Variants in ARHGAP44 observed in about 807,000 individuals in gnomAD.
ARHGAP44 encodes the protein rho GTPase-activating protein 44.
Under a neutral mutation model 106.8 loss-of-function variants are expected in ARHGAP44, and 43 were observed. The observed-to-expected ratio is 0.40, with a 90% CI of 0.32 to 0.52. ARHGAP44 has a LOEUF of 0.52. ARHGAP44 is among the 20% of genes least tolerant of loss of function. The pLI is 0.48. For synonymous variants in ARHGAP44, 439 were observed against 410.3 expected (o/e 1.07, Z -0.85); for missense variants, 866 against 1,050.5 (o/e 0.82, Z 2.43).
chr17:12,842,148 T>TAA (rs111785464), intron 1 of ARHGAP44, among the ~76,000 whole-genome samples: 46 of 142,432 alleles, frequency 3.2e-4, no homozygotes, highest in African/African-American at 7.9e-4. Flanking sequence ...CCACTGGGTT[T>TAA]AAAAAAAAAA....
At chr17:12,910,799 C>T (rs541391778) in intron 4 of ARHGAP44, among the ~76,000 whole-genome samples, 6 of 151,892 alleles carry the variant, frequency 4.0e-5, no homozygotes, top group East Asian at 1.9e-4. Flanking sequence ...AGGACTTTTA[C>T]GTTTCTGTGG....
intron 1 of ARHGAP44, among the ~76,000 whole-genome samples, chr17:12,824,818 G>A (rs2034872941): frequency 6.6e-6 from 1 of 151,374 alleles, no homozygotes; most frequent in Non-Finnish European, 1.5e-5. Flanking sequence ...TCTACCTTCT[G>A]CTTGTGTTGT....
chr17:12,966,367 T>C (rs56378659), intron 16 of ARHGAP44, among the ~76,000 whole-genome samples: 15,647 of 152,188 alleles, frequency 0.1, 926 homozygotes, highest in South Asian at 0.2. Context: ...CCCCTGGACT[T>C]AGACATTGTT....
At chr17:12,897,131 C>T (rs2037229502) in intron 3 of ARHGAP44, among the ~76,000 whole-genome samples, 1 of 152,184 alleles carries the variant, frequency 6.6e-6, no homozygotes, top group South Asian at 2.1e-4. Context: ...TGACCCCATC[C>T]CTCTCAGCCC....
chr17:12,827,337 G>A (rs1385877486), intron 1 of ARHGAP44, among the ~76,000 whole-genome samples: 1 of 151,984 alleles, frequency 6.6e-6, no homozygotes, highest in Non-Finnish European at 1.5e-5. Context: ...GCAGTCTAAT[G>A]CGTCTAATTG....
At position 12,958,964 on chromosome 17, in the gene ARHGAP44, C is replaced by G; in HGVS notation, c.1523+67C>G. ...AGGTGGTGGGGGTGGATGGGTGACGCATAAGAAAAATACAATTACGGGAAG... is the reference window on the plus strand; with the variant it reads ...AGGTGGTGGGGGTGGATGGGTGACGGATAAGAAAAATACAATTACGGGAAG... On this transcript the variant is annotated intron_variant, in intron 16 of 20. Coordinates refer to ENST00000379672, the MANE Select transcript of ARHGAP44 (RefSeq NM_014859.6). The surrounding 1 kb of genome is among the most constrained non-coding windows in gnomAD (Gnocchi z 4.1). 7 of 1,527,358 alleles carry G rather than the reference C, an allele frequency of 4.6e-6. No homozygotes were observed. Among genetic ancestry groups the G allele is most frequent in the Non-Finnish European group, 6.2e-6 (7 of 1,125,852 alleles). 94.6% of individuals were successfully genotyped at this position (1,527,358 alleles called of 1,614,324 possible). A position where few individuals can be genotyped will look rare whatever the true frequency, so the allele number is the denominator to read the frequency against.
intron 1 of ARHGAP44, among the ~76,000 whole-genome samples, chr17:12,814,530 C>T (rs150678858): frequency 9.5e-4 from 145 of 152,154 alleles, no homozygotes; most frequent in African/African-American, 3.2e-3. Context: ...GGTGAGCCAC[C>T]GCATCTGGCC....
chr17:12,939,611 G>A (rs1180146868), intron 7 of ARHGAP44, among the ~76,000 whole-genome samples: 1 of 152,028 alleles, frequency 6.6e-6, no homozygotes, highest in East Asian at 1.9e-4. Context: ...GACTACAGGC[G>A]CCCACCACCA....
intron 18 of ARHGAP44, among the ~76,000 whole-genome samples, chr17:12,977,390 T>C (rs1237330676): frequency 1.3e-5 from 2 of 152,114 alleles, no homozygotes; most frequent in African/African-American, 2.4e-5. Context: ...CCTCCCCTGA[T>C]GGCAGGCCCT....
Position 12,984,586 on chromosome 17 carries a change from T to C in ARHGAP44, c.1995T>C (p.Ala665=), listed in dbSNP as rs9909351. ...PPKVPFGQPG[A]MADQSAGQPS... is the part of the protein sequence containing the mutation. ...AGGTCCCCTTTGGCCAGCCGGGGGC[T>C]ATGGCAGACCAGTCCGCTGGCCAGC... is the stretch of plus-strand genomic sequence containing the variant. Residue 665 remains alanine, a synonymous_variant, in exon 20 of 21, where the codon GCT becomes GCC. Coordinates refer to ENST00000379672, the MANE Select transcript of ARHGAP44 (RefSeq NM_014859.6). 3.4e-4 allele frequency: 535 copies of C among 1,596,782 alleles called. 3 individuals carry two copies. In the African/African-American group the frequency reaches 6.6e-3, roughly 20 times the overall value.
chr17:12,845,647 A>G (rs1309223991), intron 1 of ARHGAP44, among the ~76,000 whole-genome samples: 1 of 151,994 alleles, frequency 6.6e-6, no homozygotes, highest in Non-Finnish European at 1.5e-5. Flanking sequence ...CTTGGTTTCT[A>G]TTAACTAAAT....
In ARHGAP44 at chr17:12,949,198, A is replaced by T; in HGVS notation, c.920A>T (p.Asp307Val). The change falls in exon 11 of 21, where the codon GAC becomes GTC. Residue 307 changes from aspartate (D) to valine (V), a missense_variant. Asp to Val is a radical substitution (Grantham distance 152, BLOSUM62 -3). Around this residue, in one of 2 missense-constraint regions of ARHGAP44, gnomAD observed 448 missense variants for 646.9 expected, o/e 0.69. Coordinates refer to ENST00000379672, the MANE Select transcript of ARHGAP44 (RefSeq NM_014859.6). This position sits in a 1 kb window ranked among gnomAD's most constrained non-coding sequence, Gnocchi z 4.1. ...CTGAAGAAGCTGAAAGCGGCCCTGG[A>T]CTGCTGCGTGGTGGATGTGCAGGAG... ...SKLKKLKAAL[D>V]CCVVDVQEYS... 1 of 1,582,180 alleles carries T rather than the reference A, an allele frequency of 6.3e-7. No homozygotes were observed. The highest frequency in any genetic ancestry group is 8.6e-7 in the Non-Finnish European group (1 of 1,164,320).
chr17:12,869,975 A>G (rs1390521285), intron 1 of ARHGAP44, among the ~76,000 whole-genome samples: 1 of 151,870 alleles, frequency 6.6e-6, no homozygotes, highest in Non-Finnish European at 1.5e-5. Context: ...AAGTACAAAC[A>G]TAGACCTTTA....
intron 1 of ARHGAP44, among the ~76,000 whole-genome samples, chr17:12,802,929 A>T (rs1243669049): frequency 1.1e-3 from 10 of 8,928 alleles, no homozygotes; most frequent in Admixed American, 2.3e-3. Flanking sequence ...TGGCTAATTT[A>T]TATATATATA....
intron 6 of ARHGAP44, among the ~76,000 whole-genome samples, chr17:12,921,554 G>A (rs980826758): frequency 2.6e-5 from 4 of 152,096 alleles, no homozygotes; most frequent in East Asian, 1.9e-4. Context: ...ACTGTGTTGC[G>A]CAGGCTAGTT....
chr17:12,947,242 A>G (rs1044039647), intron 10 of ARHGAP44, among the ~76,000 whole-genome samples: 1 of 152,190 alleles, frequency 6.6e-6, no homozygotes, highest in African/African-American at 2.4e-5. Context: ...GATCCCCAGC[A>G]ACCCCCAAAT....
chr17:12,851,003 T>C (rs1418416312), intron 1 of ARHGAP44, among the ~76,000 whole-genome samples: 1 of 152,242 alleles, frequency 6.6e-6, no homozygotes, highest in African/African-American at 2.4e-5. Context: ...TCATTTCTGC[T>C]GTCCTCATTG....
intron 20 of ARHGAP44, chr17:12,986,264 T>C (rs2039953686): frequency 6.6e-6 from 1 of 152,092 alleles, no homozygotes; most frequent in Non-Finnish European, 1.5e-5. Flanking sequence ...TCTTGGTGGG[T>C]CTTGGTGCTG....
At chr17:12,984,099 T>C (rs2039897461) in intron 19 of ARHGAP44, among the ~76,000 whole-genome samples, 1 of 152,186 alleles carries the variant, frequency 6.6e-6, no homozygotes, top group African/African-American at 2.4e-5. Flanking sequence ...GGCTCCTCTG[T>C]CCATTACAGC....
Sources: allele counts gnomAD v4.1 joint callset (sites outside exome capture counted in the v4.1 genomes callset), GRCh38; gene constraint gnomAD v4.1.1; regional missense constraint gnomAD v4.1.1; non-coding constraint Gnocchi (gnomAD v3.1); transcripts MANE v1.5; gene names NCBI Gene and HGNC (gene_info 2026-07-23, HGNC 2026-07-21).